RGS6: variants seen among roughly 807,000 people sequenced by gnomAD.
RGS6 encodes the protein regulator of G-protein signaling 6.
RGS6 carries 30 observed loss-of-function variants against 78.5 expected under a neutral mutation model. The observed-to-expected ratio is 0.38, with a 90% CI of 0.29 to 0.52. The LOEUF is 0.52. RGS6 is among the 20% of genes least tolerant of loss of function. RGS6 has a pLI of 0.85. For missense variants in RGS6, 495 were observed against 609.7 expected, an observed-to-expected ratio of 0.81 and a Z score of 1.98; for synonymous variants, 206 against 206.0, an observed-to-expected ratio of 1.00 and a Z score of 0.00.
At chr14:72,145,219 G>A (rs897056875) in intron 2 of RGS6, among the ~76,000 whole-genome samples, 9 of 152,166 alleles carry the variant, frequency 5.9e-5, no homozygotes, top group Non-Finnish European at 1.3e-4. Context: ...GCCAGAGGCT[G>A]CATGACCCCT....
chr14:72,278,865 A>C (rs190074853), intron 2 of RGS6, among the ~76,000 whole-genome samples: 3 of 152,094 alleles, frequency 2.0e-5, no homozygotes, highest in African/African-American at 7.2e-5. Flanking sequence ...GTCCAAAATC[A>C]GTGTCTTGCA....
chr14:71,953,988 T>TTTTC (rs1555399180), intron 1 of RGS6, among the ~76,000 whole-genome samples: 1 of 147,910 alleles, frequency 6.8e-6, no homozygotes, highest in Admixed American at 6.7e-5. Flanking sequence ...TTTTTTTTTT[T>TTTTC]CCTTCAACAT....
rs150128411 is a variant in RGS6, at chr14:72,497,056, G to A, written c.965+1794G>A. ...TTTTGCCACCATAAACAATGATTCC[G>A]GGAACATCTTTCTACACAAGTTCAA... On this transcript the variant is annotated intron_variant, in intron 13 of 17. Coordinates refer to ENST00000553525, the MANE Select transcript of RGS6 (RefSeq NM_001204424.2). Among the ~76,000 whole-genome samples the A allele has an allele frequency of 8.7e-4, 133 of 152,066 alleles. 4 individuals carry two copies. In the South Asian group the frequency reaches 0.021, roughly 24 times the overall value.
intron 2 of RGS6, among the ~76,000 whole-genome samples, chr14:72,235,879 A>G (rs969651130): frequency 1.3e-5 from 2 of 152,244 alleles, no homozygotes; most frequent in Non-Finnish European, 2.9e-5. Context: ...CATTTATTGT[A>G]TTAGAAAGTG....
At chr14:72,005,981 C>G (rs938383534) in intron 2 of RGS6, among the ~76,000 whole-genome samples, 12 of 151,986 alleles carry the variant, frequency 7.9e-5, no homozygotes, top group African/African-American at 2.7e-4. Context: ...GTAATGTGTC[C>G]TCCAAAAATA....
At chr14:72,589,175 AAAAAT>A in the RGS6 span, among the ~76,000 whole-genome samples, 55,588 of 151,642 alleles carry the variant, frequency 0.37, 10,907 homozygotes, top group Non-Finnish European at 0.43. Flanking sequence ...AGTGTTTAAA[AAAAAT>A]AAAATAAAGA....
chr14:72,381,932 GT>G (rs1412530416), intron 3 of RGS6, among the ~76,000 whole-genome samples: 1 of 151,984 alleles, frequency 6.6e-6, no homozygotes, highest in African/African-American at 2.4e-5. Context: ...CTACTTAGTA[GT>G]TTTAGACTGG....
intron 3 of RGS6, among the ~76,000 whole-genome samples, chr14:72,389,312 C>T (rs941866644): frequency 6.6e-6 from 1 of 152,132 alleles, no homozygotes; most frequent in Admixed American, 6.5e-5. Context: ...CTTTACTTAG[C>T]ATCTACTCCT....
intron 2 of RGS6, among the ~76,000 whole-genome samples, chr14:72,001,101 G>A (rs551486308): frequency 1.0e-3 from 158 of 152,254 alleles, no homozygotes; most frequent in Middle Eastern, 0.01. Flanking sequence ...TGGCCCTGTC[G>A]TGGGGCCGCT....
intron 3 of RGS6, among the ~76,000 whole-genome samples, chr14:72,432,876 A>T (rs2094713095): frequency 6.6e-6 from 1 of 152,240 alleles, no homozygotes; most frequent in Non-Finnish European, 1.5e-5. Context: ...CTACAATCAC[A>T]GCCAAATACA....
chr14:71,984,873 A>G (rs1183865451), intron 2 of RGS6, among the ~76,000 whole-genome samples: 2 of 152,158 alleles, frequency 1.3e-5, no homozygotes, highest in African/African-American at 4.8e-5. Flanking sequence ...TCCATTTAAA[A>G]AGTAATAATT....
At chr14:72,404,420 C>G (rs773055731) in intron 3 of RGS6, among the ~76,000 whole-genome samples, 3 of 152,142 alleles carry the variant, frequency 2.0e-5, no homozygotes, top group Non-Finnish European at 2.9e-5. Context: ...CTGCCTTGTT[C>G]CAGCACTGCC....
At chr14:71,953,930 T>A (rs1168068603) in intron 1 of RGS6, among the ~76,000 whole-genome samples, 1 of 149,158 alleles carries the variant, frequency 6.7e-6, no homozygotes, top group Non-Finnish European at 1.5e-5. Flanking sequence ...TCTCCACTTT[T>A]GAAGGATAAT....
At chr14:72,241,223 A>T (rs2052729297) in intron 2 of RGS6, among the ~76,000 whole-genome samples, 1 of 152,090 alleles carries the variant, frequency 6.6e-6, no homozygotes, top group African/African-American at 2.4e-5. Flanking sequence ...AAAAGAAAAA[A>T]AGCCTGGCAT....
intron 2 of RGS6, among the ~76,000 whole-genome samples, chr14:72,154,308 T>G (rs201002457): frequency 6.6e-6 from 1 of 152,210 alleles, no homozygotes; most frequent in South Asian, 2.1e-4. Flanking sequence ...ACAATCAATT[T>G]GTGCAGTTAA....
chr14:72,316,675 T>G (rs946643745), intron 2 of RGS6, among the ~76,000 whole-genome samples: 1 of 152,218 alleles, frequency 6.6e-6, no homozygotes, highest in Non-Finnish European at 1.5e-5. Flanking sequence ...CTTGATGATA[T>G]TCTCAAATAG....
At chr14:72,345,387 C>G (rs1596055672) in intron 2 of RGS6, among the ~76,000 whole-genome samples, 1 of 152,176 alleles carries the variant, frequency 6.6e-6, no homozygotes, top group African/African-American at 2.4e-5. Context: ...TAAACAGATA[C>G]AGTGATTCAA....
intron 2 of RGS6, among the ~76,000 whole-genome samples, chr14:72,087,758 T>C (rs1200752507): frequency 6.6e-6 from 1 of 152,208 alleles, no homozygotes; most frequent in East Asian, 1.9e-4. Flanking sequence ...CAATTCTTCA[T>C]TATATTATTA....
At chr14:72,578,230 A>T in the RGS6 span, among the ~76,000 whole-genome samples, 1 of 152,176 alleles carries the variant, frequency 6.6e-6, no homozygotes, top group African/African-American at 2.4e-5. Flanking sequence ...AAGAAACTTC[A>T]TTATTTTCTG....
Sources: gnomAD v4.1 joint callset for allele counts (sites outside exome capture counted in the v4.1 genomes callset) on GRCh38, gnomAD v4.1.1 for gene constraint, MANE v1.5 for transcripts, NCBI Gene and HGNC (gene_info 2026-07-23, HGNC 2026-07-21) for gene names.